The following PDE4D variants were observed in gnomAD, a reference collection of about 807,000 sequenced individuals.
PDE4D encodes the protein phosphodiesterase 4D.
PDE4D carries 24 observed loss-of-function variants against 87.4 expected under a neutral mutation model. The observed-to-expected ratio is 0.27, with a 90% CI of 0.20 to 0.39. The LOEUF (loss-of-function observed/expected upper bound fraction) is 0.39, where lower values mean the gene tolerates loss of function less well. PDE4D is among the 10% of genes least tolerant of loss of function. The probability of loss-of-function intolerance (pLI) is 1.00; values close to 1 mark genes in which losing one functional copy is unlikely to be tolerated. For synonymous variants in PDE4D, 384 were observed against 383.2 expected (o/e 1.00, Z -0.02); for missense variants, 714 against 1,041.0 (o/e 0.69, Z 4.32).
Position 60,147,670 on chromosome 5 carries a change from GC to G in PDE4D, c.42+37886del, listed in dbSNP as rs577425791. The G allele has an allele frequency of 1.1e-3, 482 of 421,776 alleles. 3 individuals are homozygous for G. The highest frequency in any genetic ancestry group is 9.3e-3 in the African/African-American group (455 of 48,960). 26.1% of individuals were successfully genotyped at this position (421,776 alleles called of 1,614,324 possible). ...AGAGCTTAGGGTCTCTCAAGAGATTGCAGTCAAGCCGCCAGCTGAGGCTGCT... is the reference window on the plus strand; with the variant it reads ...AGAGCTTAGGGTCTCTCAAGAGATTGAGTCAAGCCGCCAGCTGAGGCTGCT... On this transcript the variant is annotated intron_variant, in intron 2 of 16. Transcript: ENST00000502484.
chr5:59,345,279 C>T (rs1052570010), intron 1 of PDE4D, among the ~76,000 whole-genome samples: 4 of 151,898 alleles, frequency 2.6e-5, no homozygotes, highest in South Asian at 2.1e-4. Flanking sequence ...AAATAATGTA[C>T]GGGAAGGAAA....
chr5:59,505,816 T>C (rs1049344316), intron 1 of PDE4D, among the ~76,000 whole-genome samples: 5 of 152,186 alleles, frequency 3.3e-5, no homozygotes, highest in African/African-American at 4.8e-5. Flanking sequence ...AATAGGCCTT[T>C]ATAGCTGGCA....
At chr5:60,192,759 T>C (rs1415315639) in intron 1 of PDE4D, among the ~76,000 whole-genome samples, 1 of 150,456 alleles carries the variant, frequency 6.6e-6, no homozygotes, top group Non-Finnish European at 1.5e-5. Flanking sequence ...TACAGTATTA[T>C]GGGTAGTTCT....
intron 1 of PDE4D, among the ~76,000 whole-genome samples, chr5:59,838,893 C>T (rs1028792968): frequency 6.6e-6 from 1 of 152,002 alleles, no homozygotes; most frequent in Non-Finnish European, 1.5e-5. Context: ...TACATTTACA[C>T]AGACACACAT....
intron 1 of PDE4D, among the ~76,000 whole-genome samples, chr5:59,542,306 A>T (rs1224982729): frequency 6.6e-6 from 1 of 152,136 alleles, no homozygotes; most frequent in Non-Finnish European, 1.5e-5. Flanking sequence ...AGCGTATAAT[A>T]ATGACTGGTC....
chr5:59,505,111 C>G (rs1582898926), intron 1 of PDE4D, among the ~76,000 whole-genome samples: 1 of 152,124 alleles, frequency 6.6e-6, no homozygotes. Flanking sequence ...TTCTCCTCTT[C>G]TGCTCCTTTC....
chr5:59,169,019 ATATTAG>A (rs1782333522), intron 5 of PDE4D, among the ~76,000 whole-genome samples: 1 of 152,114 alleles, frequency 6.6e-6, no homozygotes, highest in Non-Finnish European at 1.5e-5. Context: ...ACTTTTATTA[ATATTAG>A]TATTAATAAT....
At chr5:59,206,470 TA>T (rs1298537783) in intron 2 of PDE4D, among the ~76,000 whole-genome samples, 1 of 152,130 alleles carries the variant, frequency 6.6e-6, no homozygotes, top group African/African-American at 2.4e-5. Context: ...CAGAAAACAG[TA>T]AAGGAGACAT....
chr5:60,166,195 C>T (rs746681670), intron 2 of PDE4D, among the ~76,000 whole-genome samples: 3 of 152,134 alleles, frequency 2.0e-5, no homozygotes, highest in Non-Finnish European at 2.9e-5. Context: ...TCTGGGTTCA[C>T]GCCATTCTCC....
At chr5:59,308,166 A>T (rs1275078783) in intron 1 of PDE4D, among the ~76,000 whole-genome samples, 17 of 149,558 alleles carry the variant, frequency 1.1e-4, no homozygotes, top group African/African-American at 2.2e-4. Flanking sequence ...AACAATGAGA[A>T]CACATGGACA....
At chr5:59,846,989 A>C (rs1212193618) in intron 1 of PDE4D, among the ~76,000 whole-genome samples, 1 of 152,034 alleles carries the variant, frequency 6.6e-6, no homozygotes, top group African/African-American at 2.4e-5. Flanking sequence ...TTAACTCATC[A>C]GGATAATTCT....
chr5:59,641,047 T>C (rs1014900693), intron 1 of PDE4D, among the ~76,000 whole-genome samples: 2 of 152,272 alleles, frequency 1.3e-5, no homozygotes, highest in Admixed American at 1.3e-4. Context: ...GAGTCTGACC[T>C]GGAAGCACTT....
At chr5:60,027,246 T>A (rs1430091739) in intron 2 of PDE4D, among the ~76,000 whole-genome samples, 2 of 152,092 alleles carry the variant, frequency 1.3e-5, no homozygotes, top group African/African-American at 4.8e-5. Flanking sequence ...CCTCTTGGAG[T>A]CTCTAGTGTC....
chr5:60,012,602 A>C (rs1427794431), intron 2 of PDE4D, among the ~76,000 whole-genome samples: 4 of 152,212 alleles, frequency 2.6e-5, no homozygotes, highest in Non-Finnish European at 5.9e-5. Context: ...AACCAAAAAA[A>C]ATGGACTATT....
At chr5:59,077,168 C>T (rs148731234) in intron 5 of PDE4D, among the ~76,000 whole-genome samples, 58 of 152,120 alleles carry the variant, frequency 3.8e-4, no homozygotes, top group Non-Finnish European at 6.5e-4. Context: ...GAGTGCTCTT[C>T]TGAATATTAA....
intron 1 of PDE4D, among the ~76,000 whole-genome samples, chr5:60,509,098 C>A (rs187202306): frequency 6.6e-6 from 1 of 152,158 alleles, no homozygotes; most frequent in East Asian, 1.9e-4. Context: ...TGGGGTTGCA[C>A]CATGTTGGCC....
At chr5:59,804,030 T>C (rs1215101723) in intron 1 of PDE4D, among the ~76,000 whole-genome samples, 1 of 152,214 alleles carries the variant, frequency 6.6e-6, no homozygotes, top group East Asian at 1.9e-4. Flanking sequence ...CTTTTATTTA[T>C]TCATTTTCTA....
chr5:59,021,169 G>C (rs1329922586), intron 6 of PDE4D, among the ~76,000 whole-genome samples: 1 of 152,166 alleles, frequency 6.6e-6, no homozygotes, highest in East Asian at 1.9e-4. Context: ...ACAGTGAAGT[G>C]AAGACCTACA....
chr5:59,830,558 T>G (rs1172451892), intron 1 of PDE4D, among the ~76,000 whole-genome samples: 1 of 152,104 alleles, frequency 6.6e-6, no homozygotes, highest in Non-Finnish European at 1.5e-5. Context: ...CAATCAGATA[T>G]CTTTGTTATT....
Sources: gnomAD v4.1 joint callset for allele counts (sites outside exome capture counted in the v4.1 genomes callset) on GRCh38, gnomAD v4.1.1 for gene constraint, MANE v1.5 for transcripts, NCBI Gene and HGNC (gene_info 2026-07-23, HGNC 2026-07-21) for gene names.